Variants in ANK3 observed in about 807,000 individuals in gnomAD.
The protein encoded by ANK3 is ankyrin-3.
ANK3 carries 57 observed loss-of-function variants against 370.9 expected under a neutral mutation model. The ratio of observed to expected loss-of-function variants is 0.15; its 90% CI spans 0.12 to 0.19. The LOEUF is 0.19. Ranked by LOEUF, ANK3 falls within the 10% of genes least tolerant of loss-of-function variation. The pLI is 1.00. For synonymous variants in ANK3, 1,929 were observed against 1,946.3 expected (o/e 0.99, Z 0.23); for missense variants, 4,439 against 5,302.1 (o/e 0.84, Z 5.06).
At chr10:60,144,834 C>T (rs1375571730) in intron 23 of ANK3, among the ~76,000 whole-genome samples, 2 of 152,158 alleles carry the variant, frequency 1.3e-5, no homozygotes, top group Non-Finnish European at 2.9e-5. Flanking sequence ...ATATACCCAA[C>T]CCAACATCCT....
At position 60,073,576 on chromosome 10, in the gene ANK3, A is replaced by G. The variant is rs115257011; in HGVS notation, c.7305T>C (p.Tyr2435=). 1.5e-4 allele frequency: 246 copies of G among 1,614,070 alleles called. No homozygotes were observed. In the African/African-American group the frequency reaches 2.9e-3, roughly 19 times the overall value. ...SSAQLISDDS[Y]KTLKLLSQHS... is the part of the protein sequence containing the mutation. ...GTTGACTCAAAAGCTTCAATGTTTT[A>G]TAAGAGTCATCAGATATGAGTTGAG... The change falls in exon 37 of 44, where the codon TAT becomes TAC. Residue 2435 remains tyrosine, a synonymous_variant. Transcript: ENST00000280772.
intron 2 of ANK3, among the ~76,000 whole-genome samples, chr10:60,408,072 T>C (rs572055117): frequency 2.6e-4 from 39 of 152,340 alleles, no homozygotes; most frequent in Non-Finnish European, 1.5e-5. Context: ...TGTTTTCTCA[T>C]TTTCTTTCTG....
chr10:60,661,647 C>A (rs16915299), intron 1 of ANK3, among the ~76,000 whole-genome samples: 7,924 of 152,116 alleles, frequency 0.052, 280 homozygotes, highest in African/African-American at 0.086. Flanking sequence ...CCTCCAGCAC[C>A]GTGATGGCCT....
At chr10:60,324,525 A>C (rs949870575) in intron 1 of ANK3, among the ~76,000 whole-genome samples, 3 of 152,310 alleles carry the variant, frequency 2.0e-5, no homozygotes, top group East Asian at 3.9e-4. Context: ...AAGGAGCCTA[A>C]GTGAAGGCTG....
chr10:60,164,886 A>G (rs2095585327), intron 23 of ANK3, among the ~76,000 whole-genome samples: 1 of 152,228 alleles, frequency 6.6e-6, no homozygotes, highest in Non-Finnish European at 1.5e-5. Context: ...AGCCCTGGAC[A>G]CATTAAAGTA....
At position 60,074,307 on chromosome 10, in the gene ANK3, C is replaced by A; in HGVS notation, c.6574G>T (p.Val2192Leu). 1 of 1,614,018 alleles carries A rather than the reference C, an allele frequency of 6.2e-7. No individual in the cohort carries two copies. The highest frequency in any genetic ancestry group is 8.5e-7 in the Non-Finnish European group (1 of 1,179,980). The change falls in exon 37 of 44, where the codon GTG becomes TTG. Residue 2192 changes from valine to leucine, a missense_variant. Physicochemically the swap from Val to Leu is conservative, Grantham distance 32 (BLOSUM62 1). Transcript: ENST00000280772. Reference protein sequence around the residue: ...DVPQTQPEEPVSPKPSPTFME... With the variant: ...DVPQTQPEEPLSPKPSPTFME... The stretch of plus-strand genomic sequence containing the variant: ...AAAGTAGGTGAAGGTTTAGGTGACA[C>A]AGGCTCCTCTGGTTGGGTCTGGGGA...
intron 2 of ANK3, among the ~76,000 whole-genome samples, chr10:60,397,640 G>A (rs1230689048): frequency 1.3e-5 from 2 of 152,212 alleles, no homozygotes; most frequent in African/African-American, 4.8e-5. Flanking sequence ...CTTGGCAAGT[G>A]TTAGCAGGTT....
intron 1 of ANK3, among the ~76,000 whole-genome samples, chr10:60,362,522 C>T (rs1191850975): frequency 6.6e-6 from 1 of 152,194 alleles, no homozygotes; most frequent in Non-Finnish European, 1.5e-5. Context: ...AATGAGAATA[C>T]TTCTATCGCA....
chr10:60,695,010 G>A (rs1386651387), intron 1 of ANK3, among the ~76,000 whole-genome samples: 16 of 144,400 alleles, frequency 1.1e-4, no homozygotes, highest in East Asian at 2.0e-4. Flanking sequence ...CCCATCTCAC[G>A]TGCAGAGACA....
At chr10:60,612,544 T>C (rs2078214446) in intron 2 of ANK3, among the ~76,000 whole-genome samples, 1 of 152,172 alleles carries the variant, frequency 6.6e-6, no homozygotes, top group African/African-American at 2.4e-5. Flanking sequence ...CAGGCTGGAG[T>C]GCAGTGGCGC....
At chr10:60,237,825 T>G (rs2097357566) in intron 7 of ANK3, among the ~76,000 whole-genome samples, 1 of 152,122 alleles carries the variant, frequency 6.6e-6, no homozygotes, top group Admixed American at 6.5e-5. Context: ...GTAATTTCAT[T>G]TTACCCTCAC....
intron 2 of ANK3, among the ~76,000 whole-genome samples, chr10:60,427,786 A>G (rs1165885370): frequency 6.6e-6 from 1 of 152,136 alleles, no homozygotes; most frequent in Non-Finnish European, 1.5e-5. Flanking sequence ...CAGAGAGTCA[A>G]AGCAATTTTC....
At chr10:60,491,156 T>C (rs964272321) in intron 2 of ANK3, among the ~76,000 whole-genome samples, 1 of 149,224 alleles carries the variant, frequency 6.7e-6, no homozygotes, top group African/African-American at 2.5e-5. Flanking sequence ...ATTCTATGAA[T>C]ATAGCACACT....
chr10:60,167,975 A>G (rs766136445), intron 21 of ANK3, among the ~76,000 whole-genome samples: 1 of 152,170 alleles, frequency 6.6e-6, no homozygotes, highest in Non-Finnish European at 1.5e-5. Context: ...TAGTATAGAC[A>G]GTTCCCATAT....
chr10:60,380,070 T>A (rs2061356084), intron 1 of ANK3, among the ~76,000 whole-genome samples: 1 of 152,132 alleles, frequency 6.6e-6, no homozygotes, highest in Non-Finnish European at 1.5e-5. Context: ...ACATTGGGAA[T>A]TAATCATATT....
At chr10:60,165,407 G>A (rs1000910014) in intron 23 of ANK3, among the ~76,000 whole-genome samples, 2 of 152,158 alleles carry the variant, frequency 1.3e-5, no homozygotes, top group African/African-American at 4.8e-5. Context: ...AGATGTTTCA[G>A]AGAAAAAGAA....
intron 1 of ANK3, among the ~76,000 whole-genome samples, chr10:60,666,274 A>G (rs2078994502): frequency 6.6e-6 from 1 of 152,232 alleles, no homozygotes. Context: ...TAAAGACATT[A>G]TGTAAAGTGA....
At chr10:60,068,060 C>T (rs754730172) in intron 37 of ANK3, 51 bp from the exon 38 acceptor site, 2 of 1,551,076 alleles carry the variant, frequency 1.3e-6, no homozygotes, top group African/African-American at 2.7e-5. Context: ...AGATACGATA[C>T]TGGAAAATTG....
intron 33 of ANK3, among the ~76,000 whole-genome samples, chr10:60,083,269 T>C (rs2085747203): frequency 6.6e-6 from 1 of 152,216 alleles, no homozygotes; most frequent in Admixed American, 6.5e-5. Context: ...TGCTTAAACA[T>C]AAATGTTATT....
Sources: gnomAD v4.1 joint callset for allele counts (sites outside exome capture counted in the v4.1 genomes callset) on GRCh38, gnomAD v4.1.1 for gene constraint, MANE v1.5 for transcripts, NCBI Gene and HGNC (gene_info 2026-07-23, HGNC 2026-07-21) for gene names.